Variants in PRKG1 observed in about 807,000 individuals in gnomAD.
The protein encoded by PRKG1 is protein kinase cGMP-dependent 1.
Under a neutral mutation model 88.1 loss-of-function variants are expected in PRKG1, and 35 were observed. The observed-to-expected ratio is 0.40, with a 90% CI of 0.30 to 0.53. The LOEUF (loss-of-function observed/expected upper bound fraction) is 0.53. Ranked by LOEUF, PRKG1 falls within the 20% of genes least tolerant of loss-of-function variation. The probability of loss-of-function intolerance (pLI) is 0.59; values close to 1 mark genes in which losing one functional copy is unlikely to be tolerated. For synonymous variants in PRKG1, 303 were observed against 292.5 expected (o/e 1.04, Z -0.37); for missense variants, 540 against 839.8 (o/e 0.64, Z 4.41).
chr10:51,132,058 C>T (rs1009525342), intron 1 of PRKG1, among the ~76,000 whole-genome samples: 6 of 151,968 alleles, frequency 3.9e-5, no homozygotes, highest in Admixed American at 1.3e-4. Flanking sequence ...GGGAAATAAA[C>T]AAAAATTAAA....
intron 2 of PRKG1, among the ~76,000 whole-genome samples, chr10:51,228,574 C>T (rs1309668237): frequency 6.6e-6 from 1 of 152,072 alleles, no homozygotes; most frequent in Non-Finnish European, 1.5e-5. Flanking sequence ...TTTTTGTTGT[C>T]TTCCTACTTA....
chr10:51,812,310 G>A (rs1839477129), intron 4 of PRKG1, among the ~76,000 whole-genome samples: 1 of 152,188 alleles, frequency 6.6e-6, no homozygotes, highest in Admixed American at 6.5e-5. Context: ...AGAAGTGGTA[G>A]TCAGTTGACA....
intron 4 of PRKG1, among the ~76,000 whole-genome samples, chr10:51,869,488 C>T (rs1841102633): frequency 6.6e-6 from 1 of 151,770 alleles, no homozygotes; most frequent in African/African-American, 2.4e-5. Context: ...TGGAAAGTAC[C>T]AAAATCAAAG....
chr10:51,946,105 C>T (rs903120970), intron 5 of PRKG1, among the ~76,000 whole-genome samples: 4 of 152,048 alleles, frequency 2.6e-5, no homozygotes, highest in African/African-American at 4.8e-5. Flanking sequence ...ACCAATCAGA[C>T]GTAGATTTGG....
At chr10:51,690,519 A>G (rs74461401) in intron 3 of PRKG1, among the ~76,000 whole-genome samples, 1 of 152,158 alleles carries the variant, frequency 6.6e-6, no homozygotes, top group East Asian at 1.9e-4. Flanking sequence ...AATCTACATA[A>G]GTAGATTCCT....
rs994570447 is a variant in PRKG1 at position 51,693,033 on chromosome 10, T to C, written c.593-111552T>C. Among the ~76,000 whole-genome samples the C allele has an allele frequency of 2.0e-5, 3 of 152,066 alleles. No homozygotes were observed. The East Asian group carries it at 5.8e-4, about 30-fold the overall frequency. ...CAGGTGTGGTGGCTCACACCTCTAA[T>C]CCCAGCACTTTGGGAGGGCCAAGGC... On this transcript the variant is annotated intron_variant, in intron 3 of 17. Transcript: ENST00000373980.
At chr10:51,545,392 A>C (rs1424493244) in intron 3 of PRKG1, among the ~76,000 whole-genome samples, 1 of 152,138 alleles carries the variant, frequency 6.6e-6, no homozygotes, top group African/African-American at 2.4e-5. Flanking sequence ...GGAATTTGTG[A>C]CTTACTGGCA....
Position 51,412,902 on chromosome 10 carries a change from A to G in PRKG1, c.479-54821A>G, listed in dbSNP as rs190536339. On this transcript the variant is annotated intron_variant, in intron 2 of 17. Coordinates refer to ENST00000373980, the MANE Select transcript of PRKG1 (RefSeq NM_006258.4). ...AGGGAAGGGAGGGATAGAGGGAGAAAGGTTGAGACAGTGAGGAAATAAGGG... is the reference window on the plus strand; with the variant it reads ...AGGGAAGGGAGGGATAGAGGGAGAAGGGTTGAGACAGTGAGGAAATAAGGG... 2.3e-3 allele frequency among the ~76,000 whole-genome samples: 355 copies of G among 152,242 alleles called. 2 individuals are homozygous for G. The highest frequency in any genetic ancestry group is 8.1e-3 in the African/African-American group (335 of 41,574).
chr10:51,973,162 A>G (rs922437079), intron 5 of PRKG1, among the ~76,000 whole-genome samples: 2 of 152,170 alleles, frequency 1.3e-5, no homozygotes, highest in South Asian at 2.1e-4. Flanking sequence ...TGTGTGACCA[A>G]TGCTTGCCAT....
intron 9 of PRKG1, among the ~76,000 whole-genome samples, chr10:52,202,776 G>T (rs1839711255): frequency 6.6e-6 from 1 of 151,964 alleles, no homozygotes; most frequent in South Asian, 2.1e-4. Context: ...GTTTCCAAGA[G>T]TTTATCCATT....
rs577561667 is a variant in PRKG1 at position 51,792,003 on chromosome 10, G to T, written c.593-12582G>T. Among the ~76,000 whole-genome samples, 15 of 152,172 alleles carry T rather than the reference G, an allele frequency of 9.9e-5. No homozygotes were observed. In the South Asian group the frequency reaches 2.1e-3, roughly 21 times the overall value. ...CGTGAATTAAATGTAAAGATGAATA[G>T]ATTTTGTTTTATTTATGGCAGTAGG... On this transcript the variant is annotated intron_variant, in intron 3 of 17. Coordinates refer to ENST00000373980, the MANE Select transcript of PRKG1 (RefSeq NM_006258.4).
At position 51,510,909 on chromosome 10, in the gene PRKG1, A is replaced by ATTT. The variant is rs113951308; in HGVS notation, c.592+43086_592+43088dup. On this transcript the variant is annotated intron_variant, in intron 3 of 17. Transcript: ENST00000373980. ...CAGGCGCCCACCACCACACCAGCTT[A>ATTT]TTTTTTTTTTTTTTTGTATTTTTAG... is the stretch of plus-strand genomic sequence containing the variant. Among the ~76,000 whole-genome samples, 238 of 135,394 alleles carry ATTT rather than the reference A, an allele frequency of 1.8e-3. 1 individual carries two copies. The highest frequency in any genetic ancestry group is 5.6e-3 in the African/African-American group (207 of 36,790). 88.8% of individuals were successfully genotyped at this position (135,394 alleles called of 152,430 possible). A position where few individuals can be genotyped will look rare whatever the true frequency, so the allele number is the denominator to read the frequency against.
intron 2 of PRKG1, among the ~76,000 whole-genome samples, chr10:51,334,659 C>T (rs980360737): frequency 1.3e-5 from 2 of 152,146 alleles, no homozygotes; most frequent in Non-Finnish European, 2.9e-5. Context: ...CAAGGAACAA[C>T]TTTTATCTAG....
Position 51,339,831 on chromosome 10 carries a change from A to T in PRKG1, c.479-127892A>T, listed in dbSNP as rs1405388642. Among the ~76,000 whole-genome samples the T allele has an allele frequency of 2.6e-5, 4 of 152,072 alleles. No individual in the cohort carries two copies. In the East Asian group the frequency reaches 7.7e-4, roughly 29 times the overall value. On this transcript the variant is annotated intron_variant, in intron 2 of 17. Transcript: ENST00000373980. ...ACTGTTGATAATTTGGTTTTATTAC[A>T]GTTTTTTACTTTTTAAAAAAACTCT...
chr10:51,957,282 CTTTTCTT>C (rs1356226306), intron 5 of PRKG1, among the ~76,000 whole-genome samples: 1 of 1,044 alleles, frequency 9.6e-4, no homozygotes, highest in African/African-American at 2.8e-3. Context: ...CTTTCCTTTT[CTTTTCTT>C]TTTTTTTTCT....
At position 51,312,863 on chromosome 10, in the gene PRKG1, T is replaced by G. The variant is rs574037748; in HGVS notation, c.479-154860T>G. Among the ~76,000 whole-genome samples the G allele has an allele frequency of 3.3e-5, 5 of 152,300 alleles. No individual in the cohort carries two copies. In the Middle Eastern group the frequency reaches 0.014, roughly 414 times the overall value. ...CTTTGGTAGGACATATTGCCAAATT[T>G]TTCACTGTGGGACTAATCTGGAGGC... is the stretch of plus-strand genomic sequence containing the variant. On this transcript the variant is annotated intron_variant, in intron 2 of 17. Transcript: ENST00000373980.
intron 5 of PRKG1, among the ~76,000 whole-genome samples, chr10:51,968,211 G>A (rs978674377): frequency 2.0e-5 from 3 of 152,064 alleles, no homozygotes; most frequent in Admixed American, 6.6e-5. Flanking sequence ...CATTATTCAC[G>A]CTGAAGATGG....
At chr10:51,441,535 A>G (rs1352897057) in intron 2 of PRKG1, among the ~76,000 whole-genome samples, 1 of 151,890 alleles carries the variant, frequency 6.6e-6, no homozygotes, top group African/African-American at 2.4e-5. Flanking sequence ...TTAGTCCACC[A>G]TGGAGAGGTG....
At chr10:52,149,210 A>G (rs1837830293) in intron 8 of PRKG1, among the ~76,000 whole-genome samples, 1 of 151,880 alleles carries the variant, frequency 6.6e-6, no homozygotes. Context: ...AAGTCCAGGG[A>G]AAAAATGCAA....
Sources: allele counts gnomAD v4.1 joint callset (sites outside exome capture counted in the v4.1 genomes callset), GRCh38; gene constraint gnomAD v4.1.1; transcripts MANE v1.5; gene names NCBI Gene and HGNC (gene_info 2026-07-23, HGNC 2026-07-21).